Variants in MARCHF3 observed in about 807,000 individuals in gnomAD.
The protein encoded by MARCHF3 is E3 ubiquitin-protein ligase MARCHF3.
MARCHF3 carries 13 observed loss-of-function variants against 24.2 expected under a neutral mutation model. The observed-to-expected ratio is 0.54, with a 90% CI of 0.35 to 0.85. The LOEUF (loss-of-function observed/expected upper bound fraction) is 0.85. MARCHF3 is among the 40% of genes least tolerant of loss of function. The probability of loss-of-function intolerance (pLI) is 0.01; values close to 1 mark genes in which losing one functional copy is unlikely to be tolerated. For missense variants in MARCHF3, 276 were observed against 325.0 expected, an observed-to-expected ratio of 0.85 and a Z score of 1.16; for synonymous variants, 144 against 137.3, an observed-to-expected ratio of 1.05 and a Z score of -0.34.
intron 1 of MARCHF3, among the ~76,000 whole-genome samples, chr5:126,969,106 A>C (rs1286420939): frequency 2.0e-5 from 3 of 152,186 alleles, no homozygotes; most frequent in African/African-American, 7.2e-5. Context: ...GTGTTTTCTT[A>C]TGAGTTTTAT....
intron 1 of MARCHF3, among the ~76,000 whole-genome samples, chr5:127,016,436 A>G (rs188457834): frequency 2.6e-4 from 40 of 152,358 alleles, no homozygotes; most frequent in African/African-American, 9.6e-4. Context: ...AACCTCATCA[A>G]AAAGTGGGCA....
chr5:126,910,998 A>G (rs758757221), intron 3 of MARCHF3, among the ~76,000 whole-genome samples: 5 of 152,220 alleles, frequency 3.3e-5, no homozygotes, highest in Non-Finnish European at 5.9e-5. Context: ...TTATGGTCGA[A>G]GCTGTAGGGA....
chr5:127,003,067 T>A (rs1163162773), intron 1 of MARCHF3, among the ~76,000 whole-genome samples: 1 of 151,148 alleles, frequency 6.6e-6, no homozygotes, highest in Non-Finnish European at 1.5e-5. Context: ...TAGCCCCAGA[T>A]CCTAGCAGGT....
intron 1 of MARCHF3, among the ~76,000 whole-genome samples, chr5:126,924,476 T>C (rs1367544211): frequency 6.6e-6 from 1 of 152,190 alleles, no homozygotes; most frequent in African/African-American, 2.4e-5. Context: ...ACACTTTGAA[T>C]TCTAAGAACA....
At chr5:126,992,766 ATTT>A (rs757479478) in intron 1 of MARCHF3, among the ~76,000 whole-genome samples, 1,449 of 95,398 alleles carry the variant, frequency 0.015, 12 homozygotes, top group African/African-American at 0.057. Flanking sequence ...CATCCACGTG[ATTT>A]TTTTTTTTTT....
chr5:127,024,179 T>A (rs1752919542), intron 1 of MARCHF3, among the ~76,000 whole-genome samples: 1 of 152,234 alleles, frequency 6.6e-6, no homozygotes, highest in East Asian at 1.9e-4. Flanking sequence ...TGGAGATGGA[T>A]GGAGTAGGAA....
chr5:127,013,961 T>C (rs1470484031), intron 1 of MARCHF3, among the ~76,000 whole-genome samples: 1 of 152,004 alleles, frequency 6.6e-6, no homozygotes, highest in East Asian at 1.9e-4. Flanking sequence ...GAAGAAAACA[T>C]AGAGGAAATG....
At chr5:126,931,979 G>C (rs1749493252) in intron 1 of MARCHF3, among the ~76,000 whole-genome samples, 2 of 152,206 alleles carry the variant, frequency 1.3e-5, no homozygotes, top group Admixed American at 1.3e-4. Flanking sequence ...CCTTAAGCCA[G>C]GGATAAAATA....
In MARCHF3 at chr5:126,923,519, C is replaced by T. The variant is rs150650950; in HGVS notation, c.-56-5292G>A. ...ATGGTCATGTGAGCTGCCTGGACAG[C>T]GGTCTAAGCAGGCCCTAACTTGGAG... is the stretch of plus-strand genomic sequence containing the variant. On this transcript the variant is annotated intron_variant, in intron 1 of 4. Transcript: ENST00000308660. 2.6e-3 allele frequency among the ~76,000 whole-genome samples: 398 copies of T among 152,306 alleles called. 3 individuals are homozygous for T. Among genetic ancestry groups the T allele is most frequent in the African/African-American group, 9.1e-3 (379 of 41,562 alleles).
intron 3 of MARCHF3, among the ~76,000 whole-genome samples, chr5:126,894,930 A>G (rs1355356435): frequency 2.0e-5 from 3 of 151,932 alleles, no homozygotes; most frequent in East Asian, 1.9e-4. Context: ...CATTCTCCCC[A>G]TCACTTTCAG....
intron 1 of MARCHF3, among the ~76,000 whole-genome samples, chr5:127,029,452 T>A (rs566139377): frequency 1.3e-5 from 2 of 152,224 alleles, no homozygotes; most frequent in African/African-American, 2.4e-5. Context: ...ATAAACTACA[T>A]GCATGTAGTT....
intron 1 of MARCHF3, among the ~76,000 whole-genome samples, chr5:126,979,908 A>G (rs1199175852): frequency 7.0e-6 from 1 of 142,658 alleles, no homozygotes. Context: ...AGATTGCACC[A>G]TTGCACTCCA....
chr5:126,976,264 T>C (rs1455102583), intron 1 of MARCHF3, among the ~76,000 whole-genome samples: 1 of 152,236 alleles, frequency 6.6e-6, no homozygotes, highest in Non-Finnish European at 1.5e-5. Flanking sequence ...AGGGTAAAAT[T>C]ATCCACAGCC....
At chr5:126,951,580 G>A (rs924031652) in intron 1 of MARCHF3, among the ~76,000 whole-genome samples, 5 of 152,160 alleles carry the variant, frequency 3.3e-5, no homozygotes, top group African/African-American at 9.7e-5. Context: ...ATGAACTTGA[G>A]CGTGAGCAAT....
At chr5:126,914,657 G>C (rs1487879109) in intron 3 of MARCHF3, 1 of 527,108 alleles carries the variant, frequency 1.9e-6, no homozygotes, top group African/African-American at 1.9e-5. Context: ...CTCTAAACTG[G>C]CCCTTTCTCC....
intron 1 of MARCHF3, among the ~76,000 whole-genome samples, chr5:126,942,508 C>T (rs1459434231): frequency 2.0e-5 from 3 of 151,916 alleles, no homozygotes; most frequent in African/African-American, 4.8e-5. Context: ...CCCTGCCCTA[C>T]AGGAGTTGAC....
chr5:126,994,953 C>T (rs977366787), intron 1 of MARCHF3, among the ~76,000 whole-genome samples: 5 of 152,238 alleles, frequency 3.3e-5, no homozygotes, highest in Admixed American at 6.5e-5. Context: ...GCATCCAGCA[C>T]GGGAGAAAGA....
At position 126,963,067 on chromosome 5, in the gene MARCHF3, T is replaced by C. The variant is rs191788076; in HGVS notation, c.-56-44840A>G. On this transcript the variant is annotated intron_variant, in intron 1 of 4. Transcript: ENST00000308660. ...TGATAACAACACCTATCACTGCTTA[T>C]AGCATGTTGTAAGCCTTACCAGATA... Among the ~76,000 whole-genome samples, 161 of 152,288 alleles carry C rather than the reference T, an allele frequency of 1.1e-3. 1 individual carries two copies. Among genetic ancestry groups the C allele is most frequent in the African/African-American group, 3.7e-3 (154 of 41,588 alleles).
chr5:127,005,575 C>G (rs1752285564), intron 1 of MARCHF3, among the ~76,000 whole-genome samples: 1 of 152,022 alleles, frequency 6.6e-6, no homozygotes, highest in Admixed American at 6.6e-5. Context: ...ATGTGACTGC[C>G]CTCAAATTCT....
Sources: allele counts gnomAD v4.1 joint callset (sites outside exome capture counted in the v4.1 genomes callset), GRCh38; gene constraint gnomAD v4.1.1; transcripts MANE v1.5; gene names NCBI Gene and HGNC (gene_info 2026-07-23, HGNC 2026-07-21).